The following MGST1 variants were observed in gnomAD, a reference collection of about 807,000 sequenced individuals.
MGST1 encodes the protein glutathione S-transferase 12.
Under a neutral mutation model 8.9 loss-of-function variants are expected in MGST1, and 5 were observed. That is an observed-to-expected ratio of 0.56 (90% CI 0.29 to 1.19). The LOEUF (loss-of-function observed/expected upper bound fraction) is 1.19, where lower values mean the gene tolerates loss of function less well. Ranked by LOEUF, MGST1 falls within the 50% of genes most tolerant of loss-of-function variation. The probability of loss-of-function intolerance (pLI) is 0.08; values close to 1 mark genes in which losing one functional copy is unlikely to be tolerated. For synonymous variants in MGST1, 54 were observed against 67.8 expected (o/e 0.80, Z 1.00); for missense variants, 182 against 187.4 (o/e 0.97, Z 0.17).
chr12:16,486,452 C>A (rs1941399620), intron 4 of MGST1, among the ~76,000 whole-genome samples: 1 of 151,976 alleles, frequency 6.6e-6, no homozygotes, highest in African/African-American at 2.4e-5. Flanking sequence ...AAATAATTGG[C>A]AAATTTATTT....
Position 16,458,559 on chromosome 12 carries a change from G to T in MGST1, n.482+74955G>T, listed in dbSNP as rs538707663. Among the ~76,000 whole-genome samples the T allele has an allele frequency of 1.3e-5, 2 of 151,940 alleles. No individual in the cohort carries two copies. Among genetic ancestry groups the T allele is most frequent in the Non-Finnish European group, 2.9e-5 (2 of 67,952 alleles). On this transcript the variant is annotated intron_variant and non_coding_transcript_variant, in intron 4 of 4. Transcript: ENST00000538857. This position sits in a 1 kb window ranked among gnomAD's most constrained non-coding sequence, Gnocchi z 4.0. ...AGGAAGGGTGTTAGTTCACTTCATTGCTTTATCAATGAATCTTGGCTGTAC... is the reference window on the plus strand; with the variant it reads ...AGGAAGGGTGTTAGTTCACTTCATTTCTTTATCAATGAATCTTGGCTGTAC...
At chr12:16,384,887 C>T (rs532318376) in intron 1 of MGST1, among the ~76,000 whole-genome samples, 23 of 152,286 alleles carry the variant, frequency 1.5e-4, no homozygotes, top group Admixed American at 3.3e-4. Context: ...CTGATGGCTG[C>T]GAAGCAGTAG....
intron 4 of MGST1, among the ~76,000 whole-genome samples, chr12:16,464,471 G>A (rs1941241289): frequency 2.0e-5 from 3 of 152,290 alleles, no homozygotes; most frequent in Non-Finnish European, 4.4e-5. Flanking sequence ...TTAAATCTAA[G>A]AGCCTGTAAT....
intron 1 of MGST1, among the ~76,000 whole-genome samples, chr12:16,387,414 C>T (rs1360069537): frequency 2.6e-5 from 4 of 152,258 alleles, no homozygotes; most frequent in East Asian, 1.9e-4. Context: ...CATAGAAAAG[C>T]GAACAAGTAA....
chr12:16,366,798 A>G (rs1940199998), downstream of MGST1, among the ~76,000 whole-genome samples: 1 of 152,116 alleles, frequency 6.6e-6, no homozygotes, highest in African/African-American at 2.4e-5. The surrounding 1 kb of genome is among the most constrained non-coding windows in gnomAD (Gnocchi z 4.0). Context: ...GTCCTAAGGC[A>G]ACTCCATCAC....
chr12:16,484,490 T>G (rs1302810129), intron 4 of MGST1, among the ~76,000 whole-genome samples: 3 of 152,060 alleles, frequency 2.0e-5, no homozygotes, highest in African/African-American at 7.2e-5. Flanking sequence ...ACTGGGTAGA[T>G]GGGTAATTTA....
rs577574583 is a variant in MGST1, at chr12:16,576,822, G to T, written n.483-12706G>T. Among the ~76,000 whole-genome samples, 85 of 152,296 alleles carry T rather than the reference G, an allele frequency of 5.6e-4. No homozygotes were observed. The highest frequency in any genetic ancestry group is 1.7e-3 in the Admixed American group (26 of 15,294). On this transcript the variant is annotated intron_variant and non_coding_transcript_variant, in intron 4 of 4. Coordinates refer to the MGST1 transcript ENST00000538857. This position sits in a 1 kb window ranked among gnomAD's most constrained non-coding sequence, Gnocchi z 4.1. ...ATTTTTAAATACCATTTTAAATTCA[G>T]TGTACAATGGACATAAGACCTGTAG...
At chr12:16,422,631 T>C (rs890292525) in intron 1 of MGST1, among the ~76,000 whole-genome samples, 1 of 152,196 alleles carries the variant, frequency 6.6e-6, no homozygotes, top group African/African-American at 2.4e-5. Context: ...CTGTATCCTT[T>C]AGATTTCTGC....
rs560963636 is a variant in MGST1 at position 16,454,469 on chromosome 12, T to C, written n.482+70865T>C. 1.2e-3 allele frequency among the ~76,000 whole-genome samples: 183 copies of C among 152,026 alleles called. 1 individual carries two copies. The highest frequency in any genetic ancestry group is 4.3e-3 in the African/African-American group (179 of 41,510). On this transcript the variant is annotated intron_variant and non_coding_transcript_variant, in intron 4 of 4. Transcript: ENST00000538857. Reference sequence around the variant, plus strand: ...CTACTTATACTATTTCAATTTATCTTTATTGAAATCTTAGAGGGTAGATCT... The same window carrying C: ...CTACTTATACTATTTCAATTTATCTCTATTGAAATCTTAGAGGGTAGATCT...
chr12:16,589,872 A>G (rs1230770217), downstream of MGST1, among the ~76,000 whole-genome samples: 2 of 152,112 alleles, frequency 1.3e-5, no homozygotes, highest in Non-Finnish European at 2.9e-5. This position sits in a 1 kb window ranked among gnomAD's most constrained non-coding sequence, Gnocchi z 4.2. Context: ...AGACCACAGT[A>G]GGAATTAAGC....
At chr12:16,370,503 G>A (rs1436299780) in intron 3 of MGST1, 3 of 152,060 alleles carry the variant, frequency 2.0e-5, no homozygotes, top group Non-Finnish European at 4.4e-5. Context: ...TGAAATAATT[G>A]TATATTATCT....
Position 16,548,963 on chromosome 12 carries a change from T to C in MGST1, n.483-40565T>C, listed in dbSNP as rs1193288618. 1 of 152,168 alleles carries C rather than the reference T, an allele frequency of 6.6e-6. No individual in the cohort carries two copies. Among genetic ancestry groups the C allele is most frequent in the African/African-American group, 2.4e-5 (1 of 41,450 alleles). 9.4% of individuals were successfully genotyped at this position (152,168 alleles called of 1,614,324 possible). The stretch of plus-strand genomic sequence containing the variant: ...TTGTTTGGTCTTCCAGTGGCAAGGA[T>C]AGTTGAACAACTTCAAGAAGCTGAG... On this transcript the variant is annotated intron_variant and non_coding_transcript_variant, in intron 4 of 4. Coordinates refer to the MGST1 transcript ENST00000538857. This position sits in a 1 kb window ranked among gnomAD's most constrained non-coding sequence, Gnocchi z 4.2.
downstream of MGST1, among the ~76,000 whole-genome samples, chr12:16,366,628 T>TACACACACAC (rs374809283): frequency 3.5e-4 from 29 of 83,924 alleles, no homozygotes; most frequent in Admixed American, 6.1e-4. The surrounding 1 kb of genome is among the most constrained non-coding windows in gnomAD (Gnocchi z 4.0). Context: ...TATCTGTGTG[T>TACACACACAC]ACACACACAC....
In MGST1 at chr12:16,513,723, G is replaced by A. The variant is rs12814261; in HGVS notation, n.483-75805G>A. On this transcript the variant is annotated intron_variant and non_coding_transcript_variant, in intron 4 of 4. Transcript: ENST00000538857. The surrounding 1 kb of genome is among the most constrained non-coding windows in gnomAD (Gnocchi z 4.2). ...GCAAGGCATCTGCAGAAGTAGCCTT[G>A]GGCGAGAATAGCGAAGTCTCGAAAA... 16,432 of 563,590 alleles carry A rather than the reference G, an allele frequency of 0.029. 293 individuals are homozygous for A. Among genetic ancestry groups the A allele is most frequent in the Non-Finnish European group, 0.042 (11,787 of 281,156 alleles). 34.9% of individuals were successfully genotyped at this position (563,590 alleles called of 1,614,324 possible). A position where few individuals can be genotyped will look rare whatever the true frequency, so the allele number is the denominator to read the frequency against.
At chr12:16,529,422 G>A (rs1412333462) in intron 4 of MGST1, among the ~76,000 whole-genome samples, 1 of 152,046 alleles carries the variant, frequency 6.6e-6, no homozygotes, top group African/African-American at 2.4e-5. Context: ...ATTTCAACAA[G>A]GCTGTCCATG....
intron 4 of MGST1, among the ~76,000 whole-genome samples, chr12:16,481,018 C>T (rs73318796): frequency 0.015 from 2,308 of 152,210 alleles, 61 homozygotes; most frequent in African/African-American, 0.053. Context: ...GGGCAACATA[C>T]AGTCCTAGGA....
intron 4 of MGST1, among the ~76,000 whole-genome samples, chr12:16,478,435 A>T (rs549491012): frequency 1.1e-3 from 161 of 152,264 alleles, no homozygotes; most frequent in African/African-American, 3.8e-3. Flanking sequence ...GAAAATTTTG[A>T]ATCTCTCTCC....
At chr12:16,391,131 G>C (rs1940548638) in intron 1 of MGST1, among the ~76,000 whole-genome samples, 2 of 129,500 alleles carry the variant, frequency 1.5e-5, no homozygotes, top group Non-Finnish European at 3.1e-5. Flanking sequence ...TATGTCCTTT[G>C]CCCACTTCTT....
intron 4 of MGST1, among the ~76,000 whole-genome samples, chr12:16,554,248 T>G (rs1942102078): frequency 6.6e-6 from 1 of 152,218 alleles, no homozygotes; most frequent in Admixed American, 6.5e-5. Flanking sequence ...AAGCCTATGC[T>G]AAGAAGCCTC....
Sources: allele counts gnomAD v4.1 joint callset (sites outside exome capture counted in the v4.1 genomes callset), GRCh38; gene constraint gnomAD v4.1.1; non-coding constraint Gnocchi (gnomAD v3.1); transcripts MANE v1.5; gene names NCBI Gene and HGNC (gene_info 2026-07-23, HGNC 2026-07-21).